The following CDC42EP5 variants were observed in gnomAD, a reference collection of about 807,000 sequenced individuals.
CDC42EP5 encodes the protein CDC42 effector protein (Rho GTPase binding) 5.
For missense variants in CDC42EP5, 269 were observed against 238.0 expected (o/e 1.13, Z -0.86); for synonymous variants, 118 against 123.3 (o/e 0.96, Z 0.28).
Position 54,465,058 on chromosome 19 carries a change from G to A in CDC42EP5, c.*43C>T. The A allele has an allele frequency of 3.1e-6, 4 of 1,293,798 alleles. No individual in the cohort carries two copies. The South Asian group carries it at 6.7e-5, about 22-fold the overall frequency. The allele number at this position is 1,293,798 out of a possible 1,614,324, so 80.1% of individuals were successfully genotyped here. On this transcript the variant is annotated 3_prime_UTR_variant, in exon 3 of 3. Transcript: ENST00000301200. ...CACACCTTGGCCGTTTATGTATACAGAAGTGGGGTGCCGGGCGGGAAGGGC... is the reference window on the plus strand; with the variant it reads ...CACACCTTGGCCGTTTATGTATACAAAAGTGGGGTGCCGGGCGGGAAGGGC...
At chr19:54,468,920 C>CTTCCTTCTTTCTTTCTTTCTTTCTTTCT (rs753994637) in intron 2 of CDC42EP5, among the ~76,000 whole-genome samples, 1 of 123,902 alleles carries the variant, frequency 8.1e-6, no homozygotes, top group East Asian at 3.1e-4. Flanking sequence ...TCCTTCCTTC[C>CTTCCTTCTTTCTTTCTTTCTTTCTTTCT]TTCTTTCTTT....
At chr19:54,470,392 G>GGA (rs1053091945) in intron 2 of CDC42EP5, among the ~76,000 whole-genome samples, 5 of 145,154 alleles carry the variant, frequency 3.4e-5, no homozygotes, top group African/African-American at 5.1e-5. Flanking sequence ...GAAAAGAAAA[G>GGA]GAGAGAGAGA....
intron 2 of CDC42EP5, among the ~76,000 whole-genome samples, chr19:54,466,386 G>T (rs1371409663): frequency 6.6e-6 from 1 of 152,164 alleles, no homozygotes. Context: ...AGCCGAGATC[G>T]TGTCACTGTA....
chr19:54,465,464 G>A lies in CDC42EP5; in HGVS notation c.84C>T (p.Gly28=). 6.6e-7 allele frequency: 1 copy of A among 1,517,284 alleles called. No homozygotes were observed. Among genetic ancestry groups the A allele is most frequent in the Admixed American group, 2.1e-5 (1 of 47,476 alleles). The allele number at this position is 1,517,284 out of a possible 1,614,324, so 94.0% of individuals were successfully genotyped here. A position where few individuals can be genotyped will look rare whatever the true frequency, so the allele number is the denominator to read the frequency against. ...RGALSISAPL[G]DFRHTLHVGR... ...CCACGTGCAGCGTGTGCCGGAAGTC[G>A]CCGAGCGGCGCGGAGATGGACAGGG... Residue 28 remains glycine, a synonymous_variant, in exon 3 of 3, where the codon GGC becomes GGT. Transcript: ENST00000301200.
chr19:54,466,864 A>G (rs1020971427), intron 2 of CDC42EP5, among the ~76,000 whole-genome samples: 7 of 151,664 alleles, frequency 4.6e-5, no homozygotes, highest in African/African-American at 1.7e-4. Flanking sequence ...AAACATCTGC[A>G]TATTTGGGTA....
At chr19:54,466,260 T>C (rs925290896) in intron 2 of CDC42EP5, among the ~76,000 whole-genome samples, 1 of 151,940 alleles carries the variant, frequency 6.6e-6, no homozygotes, top group Non-Finnish European at 1.5e-5. Flanking sequence ...CTGAGCAACA[T>C]GGTGAAACCC....
At chr19:54,468,529 T>C (rs10853871) in intron 2 of CDC42EP5, among the ~76,000 whole-genome samples, 105,122 of 151,966 alleles carry the variant, frequency 0.69, 36,422 homozygotes, top group East Asian at 0.78. Flanking sequence ...ATAATGGAAA[T>C]AAAAATTTTA....
chr19:54,465,217 G>A lies in CDC42EP5; in HGVS notation c.331C>T (p.Arg111Cys). ...GGCTTGGCGGCAGCCGCCTCCGGGC[G>A]CGCCGCGTCCATGACGCCCAGCACC... ...DAVLGVMDAA[R>C]PEAAAAKPDA... Residue 111 changes from arginine (R) to cysteine (C), a missense_variant, in exon 3 of 3, where the codon CGC becomes TGC. By Grantham distance (180) the Arg-to-Cys change is radical. Coordinates refer to ENST00000301200, the MANE Select transcript of CDC42EP5 (RefSeq NM_145057.4). 2 of 1,441,766 alleles carry A rather than the reference G, an allele frequency of 1.4e-6. No homozygotes were observed. The highest frequency in any genetic ancestry group is 1.8e-6 in the Non-Finnish European group (2 of 1,101,310). The allele number at this position is 1,441,766 out of a possible 1,614,324, so 89.3% of individuals were successfully genotyped here.
At chr19:54,468,346 TACACACACACAC>T (rs71959392) in intron 2 of CDC42EP5, among the ~76,000 whole-genome samples, 3 of 148,484 alleles carry the variant, frequency 2.0e-5, no homozygotes, top group Non-Finnish European at 3.0e-5. Flanking sequence ...AAGACTGGCC[TACACACACACAC>T]ACACACACAC....
intron 2 of CDC42EP5, among the ~76,000 whole-genome samples, chr19:54,467,478 TA>T (rs938284373): frequency 6.7e-6 from 1 of 150,038 alleles, no homozygotes; most frequent in African/African-American, 2.4e-5. Flanking sequence ...AGCCCTATGT[TA>T]AAAAAAATGG....
intron 2 of CDC42EP5, among the ~76,000 whole-genome samples, chr19:54,466,933 CTT>C (rs57592448): frequency 1.6e-4 from 21 of 131,132 alleles, no homozygotes; most frequent in Middle Eastern, 4.1e-3. Flanking sequence ...TGTACCTGAT[CTT>C]TTTTTTTTTT....
At chr19:54,470,094 G>A (rs1363338957) in intron 2 of CDC42EP5, among the ~76,000 whole-genome samples, 3 of 152,162 alleles carry the variant, frequency 2.0e-5, no homozygotes, top group Admixed American at 1.3e-4. Context: ...GTGGCTGGGC[G>A]CCGTGGCTCA....
At chr19:54,471,819 C>A in intron 1 of CDC42EP5, 134 bp from the exon 2 acceptor site, 1 of 171,564 alleles carries the variant, frequency 5.8e-6, no homozygotes, top group Non-Finnish European at 1.2e-5. Context: ...CCACCCCAGA[C>A]CCGAAAGTCA....
intron 2 of CDC42EP5, among the ~76,000 whole-genome samples, chr19:54,468,923 C>CCTTCCTTCCTTCTTTCTTTCTT (rs1556000120): frequency 1.4e-5 from 2 of 146,098 alleles, no homozygotes; most frequent in African/African-American, 5.1e-5. Context: ...TTCCTTCCTT[C>CCTTCCTTCCTTCTTTCTTTCTT]TTTCTTTCTT....
intron 2 of CDC42EP5, among the ~76,000 whole-genome samples, chr19:54,469,757 G>C (rs1439018860): frequency 1.3e-5 from 2 of 152,136 alleles, no homozygotes; most frequent in Non-Finnish European, 2.9e-5. Context: ...GGACGTGACT[G>C]ACCAAGATCA....
At chr19:54,465,883 C>T (rs1340531172) in intron 2 of CDC42EP5, among the ~76,000 whole-genome samples, 1 of 152,004 alleles carries the variant, frequency 6.6e-6, no homozygotes, top group Non-Finnish European at 1.5e-5. Flanking sequence ...GATCAACCCG[C>T]CTCAGTCTCC....
At chr19:54,471,907 GA>G (rs2123302866) in intron 1 of CDC42EP5, among the ~76,000 whole-genome samples, 1 of 78,492 alleles carries the variant, frequency 1.3e-5, no homozygotes, top group East Asian at 4.1e-4. Flanking sequence ...CAGGAGTCCA[GA>G]CCCCCAGCCC....
chr19:54,466,223 G>A (rs1458359555), intron 2 of CDC42EP5, among the ~76,000 whole-genome samples: 1 of 151,928 alleles, frequency 6.6e-6, no homozygotes, highest in East Asian at 2.0e-4. Flanking sequence ...CGGGCGGATC[G>A]CTTGAGGCCA....
At chr19:54,468,702 T>C (rs1442399212) in intron 2 of CDC42EP5, among the ~76,000 whole-genome samples, 3 of 143,304 alleles carry the variant, frequency 2.1e-5, no homozygotes, top group Non-Finnish European at 3.0e-5. Context: ...TGCTACCATG[T>C]AGTGTTATTT....
Sources: gnomAD v4.1 joint callset for allele counts (sites outside exome capture counted in the v4.1 genomes callset) on GRCh38, gnomAD v4.1.1 for gene constraint, MANE v1.5 for transcripts, NCBI Gene and HGNC (gene_info 2026-07-23, HGNC 2026-07-21) for gene names.